The following FNDC3A variants were observed in gnomAD, a reference collection of about 807,000 sequenced individuals.
FNDC3A encodes the protein fibronectin type III domain containing 3A.
A neutral mutation model predicts 148.9 loss-of-function variants in FNDC3A; 32 were observed. The observed-to-expected ratio is 0.21, with a 90% CI of 0.16 to 0.29. The LOEUF is 0.29. Among genes scored for constraint, FNDC3A ranks in the 10% least tolerant of loss-of-function variants. FNDC3A has a pLI of 1.00. For missense variants in FNDC3A, 1,191 were observed against 1,452.8 expected, an observed-to-expected ratio of 0.82 and a Z score of 2.93; for synonymous variants, 472 against 473.6, an observed-to-expected ratio of 1.00 and a Z score of 0.04.
At chr13:49,084,826 C>T (rs1317039145) in intron 3 of FNDC3A, among the ~76,000 whole-genome samples, 1 of 152,076 alleles carries the variant, frequency 6.6e-6, no homozygotes, top group East Asian at 1.9e-4. Flanking sequence ...GATGTTTTCT[C>T]CTCGTTGTTG....
At chr13:49,133,350 C>T (rs1445861927) in intron 5 of FNDC3A, among the ~76,000 whole-genome samples, 2 of 152,210 alleles carry the variant, frequency 1.3e-5, no homozygotes, top group East Asian at 3.9e-4. Context: ...GCTAGTATTA[C>T]AATTATTACT....
intron 8 of FNDC3A, among the ~76,000 whole-genome samples, chr13:49,151,374 GT>G (rs1883285291): frequency 6.6e-6 from 1 of 152,092 alleles, no homozygotes; most frequent in African/African-American, 2.4e-5. Flanking sequence ...CATAAAGTCT[GT>G]TTTATCTGAG....
At chr13:49,158,530 C>T (rs959865762) in intron 8 of FNDC3A, among the ~76,000 whole-genome samples, 3 of 152,146 alleles carry the variant, frequency 2.0e-5, no homozygotes, top group African/African-American at 7.2e-5. Flanking sequence ...CCTATTCGGC[C>T]ATCTTCGATT....
chr13:49,042,671 G>T (rs1165898777), intron 2 of FNDC3A, among the ~76,000 whole-genome samples: 1 of 152,044 alleles, frequency 6.6e-6, no homozygotes, highest in Non-Finnish European at 1.5e-5. Flanking sequence ...GTAATACTTG[G>T]GTGGCTGAGG....
chr13:49,160,303 AT>A (rs1884012530), intron 8 of FNDC3A, among the ~76,000 whole-genome samples: 1 of 152,040 alleles, frequency 6.6e-6, no homozygotes, highest in Non-Finnish European at 1.5e-5. Flanking sequence ...AGAGCCTGTT[AT>A]TGGTCTATTC....
chr13:49,197,946 T>G, intron 21 of FNDC3A, 36 bp from the exon 22 acceptor site: 1 of 1,598,436 alleles, frequency 6.3e-7, no homozygotes, highest in Non-Finnish European at 8.5e-7. Flanking sequence ...TTCATGGTCA[T>G]GACTTTGTTA....
intron 1 of FNDC3A, among the ~76,000 whole-genome samples, chr13:48,977,401 A>C (rs992722227): frequency 6.6e-6 from 1 of 152,250 alleles, no homozygotes; most frequent in African/African-American, 2.4e-5. Flanking sequence ...TACGCCACTC[A>C]GGAGTTTGAG....
chr13:49,065,984 A>G (rs1263596733), intron 2 of FNDC3A, among the ~76,000 whole-genome samples: 2 of 152,206 alleles, frequency 1.3e-5, no homozygotes, highest in African/African-American at 4.8e-5. Context: ...TTTATGCTAA[A>G]TGAATGTTAT....
At chr13:49,067,847 T>C (rs1877369080) in intron 2 of FNDC3A, among the ~76,000 whole-genome samples, 1 of 152,166 alleles carries the variant, frequency 6.6e-6, no homozygotes, top group Non-Finnish European at 1.5e-5. Context: ...TCTTGTGCTT[T>C]ATCTCCATGC....
chr13:49,164,822 G>A (rs551477770), intron 8 of FNDC3A, among the ~76,000 whole-genome samples: 2 of 152,146 alleles, frequency 1.3e-5, no homozygotes, highest in African/African-American at 2.4e-5. Context: ...TGTTGGGCAG[G>A]CTGGTCTTGA....
intron 2 of FNDC3A, chr13:49,044,937 T>C (rs1426224262): frequency 6.8e-6 from 2 of 295,296 alleles, no homozygotes; most frequent in South Asian, 3.4e-5. Context: ...GCTGTAGATG[T>C]ACTACCCTGA....
chr13:49,131,091 G>A, intron 4 of FNDC3A, 46 bp from the exon 5 acceptor site: 1 of 1,445,858 alleles, frequency 6.9e-7, no homozygotes. Flanking sequence ...TAAAAGAATT[G>A]TTTATATTCT....
intron 3 of FNDC3A, among the ~76,000 whole-genome samples, chr13:49,076,028 C>T (rs953739527): frequency 5.9e-5 from 9 of 152,020 alleles, no homozygotes. Flanking sequence ...CTCACCCTCA[C>T]TTATTCATTT....
chr13:49,018,500 AT>A (rs887729905), intron 2 of FNDC3A, among the ~76,000 whole-genome samples: 2 of 119,134 alleles, frequency 1.7e-5, no homozygotes, highest in Admixed American at 8.8e-5. Flanking sequence ...GTTATACATT[AT>A]TCTAAACTTT....
intron 24 of FNDC3A, 109 bp from the exon 25 acceptor site, chr13:49,203,048 T>G (rs1314675055): frequency 2.6e-6 from 2 of 768,988 alleles, no homozygotes; most frequent in Admixed American, 3.1e-5. Context: ...ATTTCAAGTT[T>G]ATAAGTGGAT....
intron 11 of FNDC3A, among the ~76,000 whole-genome samples, chr13:49,173,897 CCTT>C (rs1217620763): frequency 6.6e-6 from 1 of 152,174 alleles, no homozygotes; most frequent in Non-Finnish European, 1.5e-5. Flanking sequence ...TTTTCTCTCT[CCTT>C]CTTATTGCCT....
chr13:49,007,350 C>G (rs1312478102), intron 2 of FNDC3A, among the ~76,000 whole-genome samples: 2 of 152,018 alleles, frequency 1.3e-5, no homozygotes, highest in African/African-American at 4.8e-5. Context: ...GTGCTCTTAT[C>G]CCAGCAATTT....
At chr13:49,203,767 A>C (rs1378189201) in intron 25 of FNDC3A, among the ~76,000 whole-genome samples, 1 of 152,212 alleles carries the variant, frequency 6.6e-6, no homozygotes, top group African/African-American at 2.4e-5. Flanking sequence ...TGTTCCAAGA[A>C]GATACGCTGA....
chr13:49,144,013 G>GCTGCTA (rs1566280490), intron 7 of FNDC3A, among the ~76,000 whole-genome samples: 2 of 142,124 alleles, frequency 1.4e-5, no homozygotes. Context: ...TACTACTACT[G>GCTGCTA]CTACTACTAC....
Sources: allele counts gnomAD v4.1 joint callset (sites outside exome capture counted in the v4.1 genomes callset), GRCh38; gene constraint gnomAD v4.1.1; transcripts MANE v1.5; gene names NCBI Gene and HGNC (gene_info 2026-07-23, HGNC 2026-07-21).